Variants in CIMIP2B observed in about 807,000 individuals in gnomAD.
CIMIP2B encodes ciliary microtubule inner protein 2B.
At chr9:35,562,261 C>G in the CIMIP2B span, 1 of 1,076,568 alleles carries the variant, frequency 9.3e-7, no homozygotes, top group East Asian at 2.6e-5. Flanking sequence ...AAAGCTGAAC[C>G]ACATGATCTG....
chr9:35,563,403 T>C, the CIMIP2B span: 1 of 1,588,790 alleles, frequency 6.3e-7, no homozygotes, highest in African/African-American at 1.3e-5. Context: ...CAGCACAGAC[T>C]CTCCCACTCA....
chr9:35,563,031 G>C, the CIMIP2B span: 17 of 1,613,878 alleles, frequency 1.1e-5, no homozygotes, highest in Non-Finnish European at 1.4e-5. Context: ...CCTCGGCCCA[G>C]ACCTGGCTGC....
At chr9:35,562,551 C>T in the CIMIP2B span, 76 of 1,587,756 alleles carry the variant, frequency 4.8e-5, no homozygotes, top group African/African-American at 7.0e-4. Context: ...AGGAAGCGGG[C>T]GCAGGGCACA....
chr9:35,562,515 T>C, the CIMIP2B span: 2 of 1,576,374 alleles, frequency 1.3e-6, no homozygotes, highest in East Asian at 2.3e-5. Flanking sequence ...GCCTGGTTGG[T>C]GAGCACAGGA....
chr9:35,562,929 C>A, the CIMIP2B span: 2 of 1,614,040 alleles, frequency 1.2e-6, no homozygotes, highest in Non-Finnish European at 1.7e-6. Flanking sequence ...GCTCTGGCAC[C>A]TGGTCCTTCT....
chr9:35,562,475 G>A, the CIMIP2B span: 2 of 1,584,670 alleles, frequency 1.3e-6, no homozygotes, highest in Non-Finnish European at 1.7e-6. Flanking sequence ...GGCACTGCCT[G>A]GTGAGTGCTT....
chr9:35,563,723 C>T, the CIMIP2B span: 3 of 1,575,262 alleles, frequency 1.9e-6, no homozygotes, highest in African/African-American at 1.3e-5. Context: ...ACCCTATACC[C>T]CTACTCCCAG....
At chr9:35,563,222 A>T in the CIMIP2B span, 10 of 1,614,010 alleles carry the variant, frequency 6.2e-6, no homozygotes, top group Non-Finnish European at 8.5e-6. Flanking sequence ...CCTGACAGGT[A>T]GACTCTCCCT....
the CIMIP2B span, chr9:35,563,863 GC>G: frequency 6.3e-7 from 1 of 1,594,866 alleles, no homozygotes; most frequent in Non-Finnish European, 8.6e-7. Context: ...TTGCCTTTGA[GC>G]CAAGGCTCTG....
At chr9:35,562,393 C>T in the CIMIP2B span, 1 of 1,489,168 alleles carries the variant, frequency 6.7e-7, no homozygotes, top group Non-Finnish European at 8.9e-7. Context: ...GCACGTAGCC[C>T]CCATAGTTAG....
the CIMIP2B span, chr9:35,563,501 T>A: frequency 1.2e-6 from 1 of 868,436 alleles, no homozygotes; most frequent in Non-Finnish European, 1.8e-6. Context: ...TGTATATATT[T>A]GGAGCAGGCA....
chr9:35,563,076 A>G, the CIMIP2B span: 1 of 1,613,938 alleles, frequency 6.2e-7, no homozygotes, highest in South Asian at 1.1e-5. Flanking sequence ...CCCGGGGTAC[A>G]AAACCTGGGC....
the CIMIP2B span, chr9:35,563,509 G>A: frequency 4.5e-4 from 371 of 827,390 alleles, no homozygotes; most frequent in African/African-American, 5.6e-3. Flanking sequence ...TTTGGAGCAG[G>A]CATTTCTAAG....
At chr9:35,563,057 T>C in the CIMIP2B span, 9 of 1,613,964 alleles carry the variant, frequency 5.6e-6, no homozygotes, top group South Asian at 1.1e-5. Context: ...TTGGCAAAGA[T>C]GAACTGTGCC....
At chr9:35,562,442 G>GC in the CIMIP2B span, 3 of 1,575,654 alleles carry the variant, frequency 1.9e-6, no homozygotes, top group African/African-American at 1.3e-5. Context: ...TCTGGGAAGT[G>GC]GGGGGAGATG....
At chr9:35,562,351 C>T in the CIMIP2B span, 53,000 of 1,424,990 alleles carry the variant, frequency 0.037, 2,463 homozygotes, top group East Asian at 0.26. Context: ...CATTCCAGTC[C>T]CCAAAGCCTC....
At chr9:35,563,035 T>G in the CIMIP2B span, 2 of 1,614,022 alleles carry the variant, frequency 1.2e-6, no homozygotes, top group Non-Finnish European at 8.5e-7. Flanking sequence ...GGCCCAGACC[T>G]GGCTGCAGTT....
chr9:35,563,191 G>A, the CIMIP2B span: 2 of 1,614,030 alleles, frequency 1.2e-6, no homozygotes, highest in South Asian at 2.2e-5. Flanking sequence ...TCATGCTGGA[G>A]CTGAGCCTTT....
the CIMIP2B span, chr9:35,563,129 T>C: frequency 1.2e-6 from 2 of 1,612,134 alleles, no homozygotes; most frequent in Non-Finnish European, 1.7e-6. Flanking sequence ...GAACACATGC[T>C]CCTGGGAGGG....
Sources: gnomAD v4.1 joint callset for allele counts on GRCh38, gnomAD v4.1.1 for gene constraint, MANE v1.5 for transcripts, NCBI Gene and HGNC (gene_info 2026-07-23, HGNC 2026-07-21) for gene names.